Variants in LRRC4C observed in about 807,000 individuals in gnomAD.
LRRC4C encodes leucine rich repeat containing 4C.
LRRC4C carries 5 observed loss-of-function variants against 33.6 expected under a neutral mutation model. That is an observed-to-expected ratio of 0.15 (90% CI 0.08 to 0.31). LRRC4C has a LOEUF of 0.31. LRRC4C is among the 10% of genes least tolerant of loss of function. The probability of loss-of-function intolerance (pLI) is 1.00; values close to 1 mark genes in which losing one functional copy is unlikely to be tolerated. For synonymous variants in LRRC4C, 329 were observed against 302.0 expected, an observed-to-expected ratio of 1.09 and a Z score of -0.93; for missense variants, 560 against 796.7, an observed-to-expected ratio of 0.70 and a Z score of 3.58.
rs139693351 is a variant in LRRC4C at position 40,443,372 on chromosome 11, C to T, written c.-269-123651G>A. On this transcript the variant is annotated intron_variant, in intron 3 of 6. Transcript: ENST00000528697. The stretch of plus-strand genomic sequence containing the variant: ...ATAGACCTTAAGTAAATTACTATTC[C>T]GGGTAAGAAGTTTTGGACTTTTGAA... Among the ~76,000 whole-genome samples the T allele has an allele frequency of 7.6e-4, 116 of 152,270 alleles. 1 individual carries two copies. The East Asian group carries it at 0.016, about 21-fold the overall frequency.
intron 1 of LRRC4C, among the ~76,000 whole-genome samples, chr11:41,047,446 T>C (rs576466038): frequency 8.5e-5 from 13 of 152,292 alleles, no homozygotes; most frequent in African/African-American, 2.9e-4. Context: ...TGCTAGTTTT[T>C]TGGGTGCTGA....
At chr11:40,248,441 T>C (rs541122467) in intron 4 of LRRC4C, among the ~76,000 whole-genome samples, 4 of 152,308 alleles carry the variant, frequency 2.6e-5, no homozygotes, top group East Asian at 1.9e-4. Context: ...TGGGTAACAG[T>C]AGCATCAGGG....
chr11:40,646,930 A>G (rs2088147), intron 3 of LRRC4C, among the ~76,000 whole-genome samples: 56,697 of 151,972 alleles, frequency 0.37, 11,750 homozygotes, highest in East Asian at 0.61. Flanking sequence ...TTTTTGGTTG[A>G]TATTTCTATT....
chr11:41,202,530 G>A (rs972862426), intron 1 of LRRC4C, among the ~76,000 whole-genome samples: 2 of 151,946 alleles, frequency 1.3e-5, no homozygotes, highest in Admixed American at 6.6e-5. Flanking sequence ...ATCTTTACAT[G>A]AGCCCTAAAA....
chr11:41,081,293 G>C (rs1282620530), intron 1 of LRRC4C, among the ~76,000 whole-genome samples: 2 of 152,134 alleles, frequency 1.3e-5, no homozygotes. Context: ...GATTTTGTTG[G>C]ACCCAATGGA....
At chr11:40,309,038 A>G (rs563494931) in intron 4 of LRRC4C, among the ~76,000 whole-genome samples, 47 of 152,308 alleles carry the variant, frequency 3.1e-4, no homozygotes, top group Non-Finnish European at 1.5e-4. Context: ...CCCTCACCAG[A>G]GTCACCCTTA....
At chr11:40,542,609 C>G (rs1039067078) in intron 3 of LRRC4C, among the ~76,000 whole-genome samples, 1 of 151,730 alleles carries the variant, frequency 6.6e-6, no homozygotes, top group Non-Finnish European at 1.5e-5. Context: ...TTCCCTAGAG[C>G]AAGCCCTGCG....
intron 1 of LRRC4C, among the ~76,000 whole-genome samples, chr11:41,353,994 C>T (rs987081625): frequency 4.6e-5 from 7 of 152,120 alleles, no homozygotes; most frequent in African/African-American, 1.7e-4. Context: ...GTCAGCACTC[C>T]TATTCAACAT....
intron 1 of LRRC4C, among the ~76,000 whole-genome samples, chr11:41,436,865 T>C (rs1446974763): frequency 6.6e-6 from 1 of 152,196 alleles, no homozygotes. Flanking sequence ...GAGATTTCAA[T>C]GCCCTACATT....
chr11:40,424,622 TAC>T, intron 3 of LRRC4C, among the ~76,000 whole-genome samples: 1 of 152,310 alleles, frequency 6.6e-6, no homozygotes, highest in Non-Finnish European at 1.5e-5. Context: ...CTAAATATCT[TAC>T]AGTGTGTTCA....
rs1045965840 is a variant in LRRC4C at position 41,408,741 on chromosome 11, T to C, written c.-496+50690A>G. ...AAAACAATTCTATGAGAAAGGTATA[T>C]TTTTGTAAAAAAAAAAAAAAAAAAA... is the stretch of plus-strand genomic sequence containing the variant. On this transcript the variant is annotated intron_variant, in intron 1 of 6. Coordinates refer to ENST00000528697, the MANE Select transcript of LRRC4C (RefSeq NM_001258419.2). 9.0e-5 allele frequency among the ~76,000 whole-genome samples: 6 copies of C among 66,808 alleles called. No homozygotes were observed. The Admixed American group carries it at 1.2e-3, about 14-fold the overall frequency. 43.8% of individuals were successfully genotyped at this position (66,808 alleles called of 152,430 possible).
chr11:41,164,969 A>G (rs1198559605), intron 1 of LRRC4C, among the ~76,000 whole-genome samples: 3 of 152,082 alleles, frequency 2.0e-5, no homozygotes, highest in East Asian at 3.9e-4. Flanking sequence ...GATCGATTGT[A>G]TCTTGGGTTA....
intron 1 of LRRC4C, among the ~76,000 whole-genome samples, chr11:41,089,689 G>A (rs991307012): frequency 1.3e-5 from 2 of 151,950 alleles, no homozygotes; most frequent in Non-Finnish European, 2.9e-5. Context: ...TCTCCCAGAT[G>A]TATATCTGAC....
At chr11:40,465,688 A>G (rs1952616499) in intron 3 of LRRC4C, among the ~76,000 whole-genome samples, 2 of 152,124 alleles carry the variant, frequency 1.3e-5, no homozygotes, top group Middle Eastern at 3.4e-3. Context: ...GAACAAGCTT[A>G]TGAATAAATG....
chr11:40,902,710 C>T (rs1048224976), intron 2 of LRRC4C, among the ~76,000 whole-genome samples: 1 of 152,108 alleles, frequency 6.6e-6, no homozygotes, highest in Admixed American at 6.6e-5. Context: ...GAGAAAGTTT[C>T]AGAGGTCTGA....
At chr11:41,111,053 G>A (rs1360444688) in intron 1 of LRRC4C, among the ~76,000 whole-genome samples, 1 of 151,948 alleles carries the variant, frequency 6.6e-6, no homozygotes, top group African/African-American at 2.4e-5. Flanking sequence ...CACTGTGCTG[G>A]GCATTATACT....
At chr11:40,173,444 G>T (rs1860211290) in intron 5 of LRRC4C, among the ~76,000 whole-genome samples, 1 of 152,164 alleles carries the variant, frequency 6.6e-6, no homozygotes, top group Non-Finnish European at 1.5e-5. Context: ...TACAATAAAT[G>T]AATGAATGAT....
intron 1 of LRRC4C, among the ~76,000 whole-genome samples, chr11:40,981,346 G>A (rs952085763): frequency 9.9e-5 from 15 of 151,948 alleles, no homozygotes; most frequent in Admixed American, 8.5e-4. Context: ...CCCGGGAGGC[G>A]GAGCTTGCAG....
intron 3 of LRRC4C, among the ~76,000 whole-genome samples, chr11:40,408,909 C>G (rs535953461): frequency 1.3e-5 from 2 of 151,970 alleles, no homozygotes; most frequent in South Asian, 4.1e-4. Context: ...AAAAAACAAT[C>G]TAATATTCAT....
Sources: allele counts gnomAD v4.1 joint callset (sites outside exome capture counted in the v4.1 genomes callset), GRCh38; gene constraint gnomAD v4.1.1; transcripts MANE v1.5; gene names NCBI Gene and HGNC (gene_info 2026-07-23, HGNC 2026-07-21).